Variants in GOLGB1 observed in about 807,000 individuals in gnomAD.
GOLGB1 encodes golgin subfamily B member 1.
Under a neutral mutation model 336.9 loss-of-function variants are expected in GOLGB1, and 174 were observed. The ratio of observed to expected loss-of-function variants is 0.52; its 90% confidence interval spans 0.46 to 0.59. The LOEUF (loss-of-function observed/expected upper bound fraction) is 0.59, where lower values mean the gene tolerates loss of function less well. GOLGB1 is among the 20% of genes least tolerant of loss of function. GOLGB1 has a pLI of 0.00. For missense variants in GOLGB1, 3,331 were observed against 3,645.3 expected (o/e 0.91, Z 2.22); for synonymous variants, 1,208 against 1,289.2 (o/e 0.94, Z 1.35).
chr3:121,682,554 T>G (rs1941200790), intron 14 of GOLGB1, among the ~76,000 whole-genome samples: 1 of 152,216 alleles, frequency 6.6e-6, no homozygotes, highest in Non-Finnish European at 1.5e-5. Context: ...TTAGTGATGA[T>G]GACAGACTTG....
chr3:121,714,997 A>T, intron 9 of GOLGB1, 21 bp from the exon 10 acceptor site: 1 of 1,272,954 alleles, frequency 7.9e-7, no homozygotes, highest in Non-Finnish European at 1.1e-6. Flanking sequence ...GAAAAAAAAT[A>T]AATGTAATAT....
chr3:121,690,133 T>G (rs1942274653), intron 14 of GOLGB1, among the ~76,000 whole-genome samples: 1 of 152,246 alleles, frequency 6.6e-6, no homozygotes, highest in South Asian at 2.1e-4. Context: ...AAAAGTCATT[T>G]CAACTTATTT....
rs778378748 is a variant in GOLGB1 at position 121,696,064 on chromosome 3, G to T, written c.4459C>A (p.Gln1487Lys). The T allele has an allele frequency of 1.5e-5, 25 of 1,613,754 alleles. No homozygotes were observed. The East Asian group carries it at 5.3e-4, about 35-fold the overall frequency. The stretch of plus-strand genomic sequence containing the variant: ...ATAAGGGCAGCTTGCAGTTTCCTTT[G>T]TATTTGTTGCTTTGCTCTACTTTCT... ...GEESRAKQQI[Q>K]RKLQAALISR... The change falls in exon 13 of 22, where the codon CAA becomes AAA. Residue 1487 changes from glutamine (Q) to lysine (K), a missense_variant. Gln to Lys is a moderately conservative substitution (Grantham distance 53, BLOSUM62 1). Transcript: ENST00000614479.
At chr3:121,667,368 T>TG in intron 20 of GOLGB1, 108 bp downstream of exon 20, 1 of 1,209,714 alleles carries the variant, frequency 8.3e-7, no homozygotes, top group East Asian at 2.4e-5. Flanking sequence ...AGCAACTACC[T>TG]CAAGATGAGA....
chr3:121,718,884 T>C (rs1326858997), intron 7 of GOLGB1, among the ~76,000 whole-genome samples: 5 of 152,204 alleles, frequency 3.3e-5, no homozygotes, highest in African/African-American at 1.2e-4. Flanking sequence ...GAATCATTTC[T>C]CTTCTCCTAG....
chr3:121,737,668 C>T (rs1946574868), intron 1 of GOLGB1, among the ~76,000 whole-genome samples: 1 of 151,312 alleles, frequency 6.6e-6, no homozygotes, highest in Non-Finnish European at 1.5e-5. Context: ...AAAAAAAAAC[C>T]TCAGCAAGAA....
chr3:121,744,829 A>G (rs1171775629), intron 1 of GOLGB1, among the ~76,000 whole-genome samples: 1 of 152,162 alleles, frequency 6.6e-6, no homozygotes, highest in Non-Finnish European at 1.5e-5. Flanking sequence ...GATTGATTCA[A>G]CAGTCTCAGA....
chr3:121,706,621 C>T (rs1252604730), intron 10 of GOLGB1, among the ~76,000 whole-genome samples: 1 of 149,394 alleles, frequency 6.7e-6, no homozygotes, highest in Non-Finnish European at 1.5e-5. Flanking sequence ...GTAATCCAAG[C>T]TACATGGGAG....
At chr3:121,705,387 A>G (rs1425632821) in intron 10 of GOLGB1, among the ~76,000 whole-genome samples, 1 of 152,230 alleles carries the variant, frequency 6.6e-6, no homozygotes. Context: ...AACAATAACA[A>G]CCAAAACCAG....
chr3:121,709,521 A>C (rs1193956291), intron 10 of GOLGB1, among the ~76,000 whole-genome samples: 1 of 152,180 alleles, frequency 6.6e-6, no homozygotes, highest in Non-Finnish European at 1.5e-5. Flanking sequence ...GATATCTAGA[A>C]ATAAAACCAA....
intron 14 of GOLGB1, among the ~76,000 whole-genome samples, chr3:121,688,526 C>T (rs1319862026): frequency 5.9e-5 from 9 of 152,126 alleles, no homozygotes; most frequent in Non-Finnish European, 1.3e-4. Context: ...GGTGTGATCT[C>T]GGCTTGCTAC....
Position 121,691,190 on chromosome 3 carries a change from A to C in GOLGB1, c.8174T>G (p.Leu2725Arg). The C allele has an allele frequency of 6.2e-7, 1 of 1,613,680 alleles. No homozygotes were observed. Among genetic ancestry groups the C allele is most frequent in the East Asian group, 2.2e-5 (1 of 44,890 alleles). ...RDLVEMEQKLLMVTKENKGLT... is the reference protein window; with the variant it reads ...RDLVEMEQKLRMVTKENKGLT... ...ACCTTTATTTTCTTTGGTGACCATG[A>C]GTAATTTCTGTTCCATCTCCACCAA... The change falls in exon 14 of 22, where the codon CTC becomes CGC. Residue 2725 changes from leucine (L) to arginine (R), a missense_variant. Coordinates refer to ENST00000614479, the MANE Select transcript of GOLGB1 (RefSeq NM_001366282.2).
At chr3:121,746,081 T>G (rs13083794) in intron 1 of GOLGB1, among the ~76,000 whole-genome samples, 33,451 of 152,000 alleles carry the variant, frequency 0.22, 4,232 homozygotes, top group Non-Finnish European at 0.29. Context: ...GCCATCTACT[T>G]TGGAATTTAA....
At chr3:121,725,462 G>T (rs1945515746) in intron 5 of GOLGB1, among the ~76,000 whole-genome samples, 1 of 152,198 alleles carries the variant, frequency 6.6e-6, no homozygotes, top group Non-Finnish European at 1.5e-5. Flanking sequence ...CTCCCTTTTA[G>T]AATGAGAATG....
At chr3:121,689,016 G>A (rs1319150610) in intron 14 of GOLGB1, among the ~76,000 whole-genome samples, 2 of 150,474 alleles carry the variant, frequency 1.3e-5, no homozygotes, top group Non-Finnish European at 3.0e-5. Flanking sequence ...GAGGGAGGTG[G>A]GGGGGTCAGC....
Position 121,696,311 on chromosome 3 carries a change from T to G in GOLGB1, c.4212A>C (p.Lys1404Asn), listed in dbSNP as rs781139775. Residue 1404 changes from lysine (K) to asparagine (N), a missense_variant, in exon 13 of 22, where the codon AAA (lysine) becomes AAC (asparagine). By Grantham distance (94) the Lys-to-Asn change is moderately conservative. Transcript: ENST00000614479. Reference protein sequence around the residue: ...ELQPKLDELQKLISKKEEDVS... With the variant: ...ELQPKLDELQNLISKKEEDVS... The stretch of plus-strand genomic sequence containing the variant: ...CGTCTTCTTCCTTTTTGCTTATGAG[T>G]TTTTGCAGTTCATCCAGTTTAGGTT... 2 of 1,614,076 alleles carry G rather than the reference T, an allele frequency of 1.2e-6. No individual in the cohort carries two copies. Among genetic ancestry groups the G allele is most frequent in the South Asian group, 2.2e-5 (2 of 91,076 alleles).
intron 9 of GOLGB1, 146 bp downstream of exon 9, chr3:121,716,591 A>C (rs1944793614): frequency 1.7e-6 from 1 of 589,394 alleles, no homozygotes; most frequent in Admixed American, 3.2e-5. Flanking sequence ...AAAATGCATC[A>C]AGAAGTTCAG....
At chr3:121,699,071 T>C in intron 12 of GOLGB1, 142 bp from the exon 13 acceptor site, 1 of 601,634 alleles carries the variant, frequency 1.7e-6, no homozygotes, top group South Asian at 2.6e-5. Context: ...CACTGCTAAA[T>C]CCTTTTAAAA....
At chr3:121,712,680 A>G (rs1163928584) in intron 10 of GOLGB1, among the ~76,000 whole-genome samples, 1 of 152,262 alleles carries the variant, frequency 6.6e-6, no homozygotes, top group African/African-American at 2.4e-5. Flanking sequence ...GAAGGTGTAC[A>G]TATGGCTAAG....
Sources: gnomAD v4.1 joint callset for allele counts (sites outside exome capture counted in the v4.1 genomes callset) on GRCh38, gnomAD v4.1.1 for gene constraint, MANE v1.5 for transcripts, NCBI Gene and HGNC (gene_info 2026-07-23, HGNC 2026-07-21) for gene names.